The following GRAMD1B variants were observed in gnomAD, a reference collection of about 807,000 sequenced individuals.
GRAMD1B encodes the protein GRAM domain containing 1B, also known as protein Aster-B.
Under a neutral mutation model 99.7 loss-of-function variants are expected in GRAMD1B, and 37 were observed. The observed-to-expected ratio is 0.37, with a 90% confidence interval of 0.29 to 0.49. GRAMD1B has a LOEUF of 0.49. Ranked by LOEUF, GRAMD1B falls within the 20% of genes least tolerant of loss-of-function variation. The pLI is 0.98. For missense variants in GRAMD1B, 888 were observed against 1,009.2 expected (o/e 0.88, Z 1.63); for synonymous variants, 427 against 387.6 (o/e 1.10, Z -1.19).
At chr11:123,415,095 C>CTTTTTTTTT (rs1175202539) in intron 1 of GRAMD1B, among the ~76,000 whole-genome samples, 51 of 75,828 alleles carry the variant, frequency 6.7e-4, no homozygotes, top group Middle Eastern at 0.011. Flanking sequence ...CTTTTTCTTT[C>CTTTTTTTTT]TTTTTTTTTT....
In GRAMD1B at chr11:123,492,865, T is replaced by TACACAC. The variant is rs58113764; in HGVS notation, c.452+11997_452+12002dup. 0.076 allele frequency among the ~76,000 whole-genome samples: 11,179 copies of TACACAC among 147,914 alleles called. 496 individuals are homozygous for TACACAC. The highest frequency in any genetic ancestry group is 0.099 in the Middle Eastern group (29 of 292). ...TCTCTCTGTCTCTCTCTTTCACACATACACACACACACACACACACACACA... is the reference window on the plus strand; with the variant it reads ...TCTCTCTGTCTCTCTCTTTCACACATACACACACACACACACACACACACACACACA... On this transcript the variant is annotated intron_variant, in intron 2 of 19. Transcript: ENST00000635736. The surrounding 1 kb of genome is among the most constrained non-coding windows in gnomAD (Gnocchi z 4.2).
Position 123,581,349 on chromosome 11 carries a change from G to A in GRAMD1B, c.664-2963G>A, listed in dbSNP as rs542671137. On this transcript the variant is annotated intron_variant, in intron 3 of 19. Coordinates refer to ENST00000635736, the MANE Select transcript of GRAMD1B (RefSeq NM_001387025.1). ...CTGGCCTGGTCCTCCAGGTAGGGGC[G>A]CTACAGCAAACTAAAGCCAGAGGAT... Among the ~76,000 whole-genome samples the A allele has an allele frequency of 5.3e-5, 8 of 152,244 alleles. No individual in the cohort carries two copies. The East Asian group carries it at 5.8e-4, about 11-fold the overall frequency.
intron 1 of GRAMD1B, among the ~76,000 whole-genome samples, chr11:123,460,634 A>G (rs1314625297): frequency 2.6e-5 from 4 of 152,220 alleles, no homozygotes; most frequent in Admixed American, 6.5e-5. Flanking sequence ...TGCTTTTACC[A>G]TAAGCCAGTT....
chr11:123,615,279 C>A (rs1158260854), intron 17 of GRAMD1B, among the ~76,000 whole-genome samples: 1 of 152,168 alleles, frequency 6.6e-6, no homozygotes, highest in Admixed American at 6.5e-5. Context: ...GGCAGGGTAG[C>A]CAGACAAAAT....
chr11:123,438,754 C>T (rs2134245206), intron 1 of GRAMD1B, among the ~76,000 whole-genome samples: 1 of 152,262 alleles, frequency 6.6e-6, no homozygotes, highest in Non-Finnish European at 1.5e-5. Context: ...TCTTTCTGTC[C>T]TAGTTGGTGC....
Position 123,625,974 on chromosome 11 carries a change from G to GAGAGAGAGAGAGAGAGAGAGAA in GRAMD1B, c.*3386_*3387insGAGAGAGAGAGAGAAAGAGAGA, listed in dbSNP as rs1396157675. 2 of 80,570 alleles carry GAGAGAGAGAGAGAGAGAGAGAA rather than the reference G, an allele frequency of 2.5e-5. No individual in the cohort carries two copies. Among genetic ancestry groups the GAGAGAGAGAGAGAGAGAGAGAA allele is most frequent in the South Asian group, 1.0e-3 (2 of 1,950 alleles). The allele number at this position is 80,570 out of a possible 1,614,324, so 5.0% of individuals were successfully genotyped here. On this transcript the variant is annotated 3_prime_UTR_variant, in exon 20 of 20. Transcript: ENST00000635736. ...AGAGAGAGAGAGAGAGAGAGAGAGA[G>GAGAGAGAGAGAGAGAGAGAGAA]AGAGAGATCGAGCTTGATGTATTGC...
intron 4 of GRAMD1B, among the ~76,000 whole-genome samples, chr11:123,590,037 C>T (rs896543277): frequency 1.6e-4 from 24 of 152,166 alleles, no homozygotes; most frequent in African/African-American, 5.6e-4. Context: ...GCTTTCTTGC[C>T]CCATTGGCCT....
At chr11:123,375,376 T>C (rs1433528627) in intron 1 of GRAMD1B, among the ~76,000 whole-genome samples, 3 of 151,764 alleles carry the variant, frequency 2.0e-5, no homozygotes, top group Non-Finnish European at 4.4e-5. Context: ...CTGGGCAACA[T>C]AGCAACATCT....
chr11:123,451,346 G>A (rs2846055), intron 1 of GRAMD1B, among the ~76,000 whole-genome samples: 295 of 152,222 alleles, frequency 1.9e-3, no homozygotes, highest in Non-Finnish European at 2.5e-3. Flanking sequence ...GACCCACCTG[G>A]CACTTAAGGA....
intron 2 of GRAMD1B, among the ~76,000 whole-genome samples, chr11:123,537,990 A>G (rs1944135100): frequency 6.6e-6 from 1 of 152,188 alleles, no homozygotes; most frequent in Admixed American, 6.5e-5. Flanking sequence ...CACTAGTGCT[A>G]TAATATAATT....
chr11:123,557,878 A>G (rs1416602069), intron 2 of GRAMD1B, among the ~76,000 whole-genome samples: 1 of 152,030 alleles, frequency 6.6e-6, no homozygotes, highest in Non-Finnish European at 1.5e-5. Flanking sequence ...TCAAAGTTAC[A>G]TAGTAAGTGA....
intron 2 of GRAMD1B, among the ~76,000 whole-genome samples, chr11:123,576,539 A>G (rs1565398926): frequency 6.6e-6 from 1 of 152,210 alleles, no homozygotes; most frequent in Non-Finnish European, 1.5e-5. Context: ...GAAATATCAA[A>G]TAGTCAATAT....
chr11:123,435,054 C>CA (rs1949098808), intron 1 of GRAMD1B, among the ~76,000 whole-genome samples: 1 of 152,202 alleles, frequency 6.6e-6, no homozygotes, highest in Admixed American at 6.5e-5. Flanking sequence ...TTTCATTACT[C>CA]TGTGAGTCTC....
intron 1 of GRAMD1B, among the ~76,000 whole-genome samples, chr11:123,431,636 A>G (rs1294954404): frequency 6.6e-6 from 1 of 151,750 alleles, no homozygotes; most frequent in Admixed American, 6.6e-5. Flanking sequence ...ATATTTCAGG[A>G]CTCCGTTTCA....
intron 2 of GRAMD1B, among the ~76,000 whole-genome samples, chr11:123,531,091 C>T (rs1943324627): frequency 6.6e-6 from 1 of 152,212 alleles, no homozygotes; most frequent in African/African-American, 2.4e-5. Context: ...TGAAAGTAAA[C>T]ATTCATTTGA....
chr11:123,610,025 C>T lies in GRAMD1B; in HGVS notation c.1776+112C>T. On this transcript the variant is annotated intron_variant, in intron 13 of 19. Transcript: ENST00000635736. This position sits in a 1 kb window ranked among gnomAD's most constrained non-coding sequence, Gnocchi z 4.1. ...GTTTCAGGGCGCAAGTGTCATTTTG[C>T]CCCAAAGCGGTGGTGGCGTCTTGCT... The T allele has an allele frequency of 1.2e-6, 1 of 847,882 alleles. No individual in the cohort carries two copies. The highest frequency in any genetic ancestry group is 1.9e-6 in the Non-Finnish European group (1 of 519,408). The allele number at this position is 847,882 out of a possible 1,614,324, so 52.5% of individuals were successfully genotyped here.
intron 19 of GRAMD1B, among the ~76,000 whole-genome samples, chr11:123,620,125 G>A (rs926111949): frequency 5.9e-5 from 9 of 152,110 alleles, no homozygotes; most frequent in Non-Finnish European, 8.8e-5. Flanking sequence ...CCATGTGGGC[G>A]GTGCTCATTA....
chr11:123,439,179 G>A (rs778555425), intron 1 of GRAMD1B, among the ~76,000 whole-genome samples: 30 of 152,222 alleles, frequency 2.0e-4, no homozygotes, highest in South Asian at 4.1e-4. Context: ...CTGGAAGGAA[G>A]TGTCCTCTCA....
chr11:123,447,876 A>G (rs114653729), intron 1 of GRAMD1B, among the ~76,000 whole-genome samples: 1,625 of 152,244 alleles, frequency 0.011, 32 homozygotes, highest in African/African-American at 0.036. Context: ...ATGGGTGCTG[A>G]AAAACTGCCT....
Sources: allele counts gnomAD v4.1 joint callset (sites outside exome capture counted in the v4.1 genomes callset), GRCh38; gene constraint gnomAD v4.1.1; non-coding constraint Gnocchi (gnomAD v3.1); transcripts MANE v1.5; gene names NCBI Gene and HGNC (gene_info 2026-07-23, HGNC 2026-07-21).